The following BRI3 variants were observed in gnomAD, a reference collection of about 807,000 sequenced individuals.
BRI3 encodes the protein brain protein I3, also known as membrane protein BRI3.
A neutral mutation model predicts 12.8 loss-of-function variants in BRI3; 6 were observed. The ratio of observed to expected loss-of-function variants is 0.47; its 90% confidence interval spans 0.26 to 0.93. BRI3 has a LOEUF of 0.93. BRI3 is among the 40% of genes least tolerant of loss of function. The pLI is 0.15. For synonymous variants in BRI3, 91 were observed against 76.1 expected (o/e 1.20, Z -1.02); for missense variants, 134 against 171.1 (o/e 0.78, Z 1.21).
chr7:98,287,966 C>G (rs1430973726), intron 2 of BRI3, among the ~76,000 whole-genome samples: 1 of 152,192 alleles, frequency 6.6e-6, no homozygotes, highest in Non-Finnish European at 1.5e-5. Flanking sequence ...CTCTCAGCAG[C>G]TTTGGTCCTG....
chr7:98,316,774 C>A, the BRI3 span, among the ~76,000 whole-genome samples: 1 of 152,184 alleles, frequency 6.6e-6, no homozygotes. Context: ...CCTTCATCCA[C>A]TCCCCAGTCA....
upstream of BRI3, chr7:98,304,393 A>G (rs1562965743): frequency 6.2e-7 from 1 of 1,613,266 alleles, no homozygotes; most frequent in East Asian, 2.2e-5. Flanking sequence ...CCCAAAAAGG[A>G]CACAGCACGT....
chr7:98,304,503 C>CA (rs1800557108), upstream of BRI3: 1 of 935,330 alleles, frequency 1.1e-6, no homozygotes, highest in Non-Finnish European at 1.6e-6. Context: ...ATCTTGATCT[C>CA]ACACACACAG....
At chr7:98,304,338 G>A, upstream of BRI3, 1 of 1,613,720 alleles carries the variant, frequency 6.2e-7, no homozygotes, top group Non-Finnish European at 8.5e-7. Flanking sequence ...GCTATTCTCA[G>A]ACAAGTTCAC....
intron 1 of BRI3, chr7:98,307,343 T>C (rs1229869526): frequency 9.5e-7 from 1 of 1,054,930 alleles, no homozygotes; most frequent in Non-Finnish European, 1.2e-6. Context: ...TAACCTCAGG[T>C]GATCTGCCCG....
At chr7:98,312,906 C>T (rs540987588), downstream of BRI3, among the ~76,000 whole-genome samples, 2 of 152,310 alleles carry the variant, frequency 1.3e-5, no homozygotes, top group South Asian at 4.2e-4. Flanking sequence ...CTGCTCCTGA[C>T]AACTGGATTC....
chr7:98,294,659 C>T (rs918136540), downstream of BRI3, among the ~76,000 whole-genome samples: 1 of 152,214 alleles, frequency 6.6e-6, no homozygotes, highest in African/African-American at 2.4e-5. Context: ...TCCTCAGCCA[C>T]GGTCTTTTGA....
chr7:98,301,885 C>T (rs965559863), upstream of BRI3, among the ~76,000 whole-genome samples: 9 of 152,076 alleles, frequency 5.9e-5, no homozygotes, highest in Admixed American at 2.6e-4. Flanking sequence ...GGGCCAGCTG[C>T]GCTGGTGGAG....
downstream of BRI3, among the ~76,000 whole-genome samples, chr7:98,294,496 C>T (rs538885923): frequency 3.9e-5 from 6 of 152,272 alleles, no homozygotes; most frequent in African/African-American, 1.2e-4. Context: ...GCGGGTCACC[C>T]GTGATGTCGG....
chr7:98,312,295 A>T (rs202108274), downstream of BRI3: 19 of 1,576,244 alleles, frequency 1.2e-5, no homozygotes, highest in Non-Finnish European at 1.5e-5. Context: ...GACTAAAGAC[A>T]AAGAAGATTG....
exon 2 of BRI3, chr7:98,307,808 G>A: frequency 2.5e-6 from 4 of 1,614,244 alleles, no homozygotes; most frequent in Non-Finnish European, 3.4e-6. Flanking sequence ...CAGTGTGCGG[G>A]AAGATGGTCT....
At chr7:98,319,891 G>A in the BRI3 span, among the ~76,000 whole-genome samples, 3 of 152,168 alleles carry the variant, frequency 2.0e-5, no homozygotes, top group Admixed American at 6.6e-5. Context: ...AGCGAAAACC[G>A]GCCCACACAG....
At chr7:98,303,501 G>A (rs1207686341), upstream of BRI3, among the ~76,000 whole-genome samples, 1 of 152,178 alleles carries the variant, frequency 6.6e-6, no homozygotes, top group Non-Finnish European at 1.5e-5. Context: ...TTCTCTGCAT[G>A]GCTTCTAGTG....
At chr7:98,307,415 T>G (rs148579418) in intron 1 of BRI3, 15 of 1,277,032 alleles carry the variant, frequency 1.2e-5, no homozygotes, top group Non-Finnish European at 1.5e-5. Flanking sequence ...AAATGCTAAA[T>G]TTTTTTTAAA....
intron 1 of BRI3, chr7:98,306,689 CTGAACAA>C (rs1800669783): frequency 1.1e-6 from 1 of 948,600 alleles, no homozygotes; most frequent in Admixed American, 2.8e-5. Flanking sequence ...TTCACATACA[CTGAACAA>C]TGTGTATTGT....
intron 2 of BRI3, among the ~76,000 whole-genome samples, chr7:98,290,431 A>G (rs1225494831): frequency 6.6e-6 from 1 of 151,012 alleles, no homozygotes; most frequent in African/African-American, 2.4e-5. Flanking sequence ...TCCTGACCTC[A>G]TGATCCACCC....
chr7:98,317,741 G>A, the BRI3 span, among the ~76,000 whole-genome samples: 1 of 150,512 alleles, frequency 6.6e-6, no homozygotes, highest in African/African-American at 2.4e-5. Flanking sequence ...CATGTTGGCT[G>A]GGGACGCTCA....
intron 1 of BRI3, among the ~76,000 whole-genome samples, chr7:98,299,398 TC>T (rs910849285): frequency 3.9e-5 from 6 of 152,126 alleles, no homozygotes; most frequent in African/African-American, 1.2e-4. Flanking sequence ...GCTCAAATGA[TC>T]CTCCCGCCTC....
At chr7:98,308,445 T>A (rs1172379832) in exon 2 of BRI3, 2 of 369,586 alleles carry the variant, frequency 5.4e-6, no homozygotes, top group Non-Finnish European at 1.1e-5. Context: ...CCAGTCACGA[T>A]CTCAATGTCT....
Sources: gnomAD v4.1 joint callset for allele counts (sites outside exome capture counted in the v4.1 genomes callset) on GRCh38, gnomAD v4.1.1 for gene constraint, MANE v1.5 for transcripts, NCBI Gene and HGNC (gene_info 2026-07-23, HGNC 2026-07-21) for gene names.